Variants in B3GALT1 observed in about 807,000 individuals in gnomAD.
B3GALT1 encodes the protein UDP-Gal:betaGlcNAc beta 1,3-galactosyltransferase, polypeptide 1.
A neutral mutation model predicts 23.2 loss-of-function variants in B3GALT1; 10 were observed. The observed-to-expected ratio is 0.43, with a 90% CI of 0.27 to 0.73. The LOEUF (loss-of-function observed/expected upper bound fraction) is 0.73, where lower values mean the gene tolerates loss of function less well. B3GALT1 is among the 30% of genes least tolerant of loss of function. The pLI is 0.21. For synonymous variants in B3GALT1, 156 were observed against 141.5 expected (o/e 1.10, Z -0.73); for missense variants, 299 against 405.4 (o/e 0.74, Z 2.25).
intron 3 of B3GALT1, among the ~76,000 whole-genome samples, chr2:167,671,615 G>T (rs573168296): frequency 5.3e-5 from 8 of 151,920 alleles, no homozygotes; most frequent in Non-Finnish European, 1.0e-4. Flanking sequence ...AAACAAAAGT[G>T]GAAAGACTAT....
At chr2:167,351,259 A>G (rs1274847947) in intron 1 of B3GALT1, among the ~76,000 whole-genome samples, 2 of 145,522 alleles carry the variant, frequency 1.4e-5, no homozygotes. Context: ...ATAGAGTGAG[A>G]CTCCGTCTCA....
intron 3 of B3GALT1, among the ~76,000 whole-genome samples, chr2:167,685,954 A>G (rs1387383177): frequency 6.6e-6 from 1 of 152,192 alleles, no homozygotes; most frequent in Non-Finnish European, 1.5e-5. Flanking sequence ...GTCACTTTTA[A>G]TTTATTTATT....
chr2:167,560,239 A>C (rs1185641327), intron 2 of B3GALT1, among the ~76,000 whole-genome samples: 1 of 152,246 alleles, frequency 6.6e-6, no homozygotes, highest in Non-Finnish European at 1.5e-5. Context: ...AAAATACTTT[A>C]CAGACAAACA....
intron 2 of B3GALT1, among the ~76,000 whole-genome samples, chr2:167,573,425 C>A (rs922792560): frequency 1.3e-5 from 2 of 151,600 alleles, no homozygotes; most frequent in African/African-American, 4.8e-5. Flanking sequence ...AGTTTCATTC[C>A]AGTGGTTATT....
intron 2 of B3GALT1, among the ~76,000 whole-genome samples, chr2:167,521,245 T>C (rs1436974386): frequency 6.6e-6 from 1 of 152,132 alleles, no homozygotes; most frequent in African/African-American, 2.4e-5. Flanking sequence ...TCATGTCTTA[T>C]CCTTCTTAGT....
chr2:167,417,485 TC>T (rs1310961786), intron 1 of B3GALT1, among the ~76,000 whole-genome samples: 1 of 152,204 alleles, frequency 6.6e-6, no homozygotes, highest in African/African-American at 2.4e-5. Context: ...TCCTAATTAC[TC>T]CTTTTTAGGT....
At chr2:167,793,411 G>A (rs942248179) in intron 3 of B3GALT1, among the ~76,000 whole-genome samples, 5 of 152,140 alleles carry the variant, frequency 3.3e-5, no homozygotes, top group Non-Finnish European at 5.9e-5. Context: ...CTGGGGCTGG[G>A]TTCGCCCCGT....
chr2:167,488,616 T>C (rs117668668), intron 1 of B3GALT1, among the ~76,000 whole-genome samples: 2 of 152,328 alleles, frequency 1.3e-5, no homozygotes, highest in East Asian at 3.9e-4. Context: ...CAAGTTGAGT[T>C]ACAATAAAGT....
chr2:167,749,787 C>T (rs969312857), intron 3 of B3GALT1, among the ~76,000 whole-genome samples: 6 of 152,178 alleles, frequency 3.9e-5, no homozygotes, highest in African/African-American at 1.4e-4. Flanking sequence ...AATTCTCTAG[C>T]AATGTGTTGA....
At chr2:167,680,525 G>A (rs1347750691) in intron 3 of B3GALT1, among the ~76,000 whole-genome samples, 1 of 90,456 alleles carries the variant, frequency 1.1e-5, no homozygotes, top group Non-Finnish European at 2.8e-5. Flanking sequence ...TTTTTTTTTG[G>A]TAGGAGGGAG....
At chr2:167,486,847 G>A (rs897370475) in intron 1 of B3GALT1, among the ~76,000 whole-genome samples, 4 of 151,430 alleles carry the variant, frequency 2.6e-5, no homozygotes, top group African/African-American at 9.8e-5. Context: ...GGGATTGGGA[G>A]AGTAGAAATT....
At chr2:167,582,998 CCCCTAG>C in intron 2 of B3GALT1, among the ~76,000 whole-genome samples, 1 of 152,302 alleles carries the variant, frequency 6.6e-6, no homozygotes, top group Middle Eastern at 3.4e-3. Flanking sequence ...TCCCACCCCA[CCCCTAG>C]TGACTTGGTT....
intron 1 of B3GALT1, among the ~76,000 whole-genome samples, chr2:167,344,479 G>T (rs558015782): frequency 6.6e-6 from 1 of 152,116 alleles, no homozygotes; most frequent in Non-Finnish European, 1.5e-5. Context: ...GACACTTTGG[G>T]TAGATGAATG....
chr2:167,861,779 G>A (rs565142941), intron 4 of B3GALT1, among the ~76,000 whole-genome samples: 1 of 152,294 alleles, frequency 6.6e-6, no homozygotes, highest in Non-Finnish European at 1.5e-5. Context: ...AAGTAAGAGA[G>A]AGGAGACATT....
At chr2:167,303,682 C>CACACAGAG (rs535369991) in intron 1 of B3GALT1, among the ~76,000 whole-genome samples, 14 of 148,716 alleles carry the variant, frequency 9.4e-5, no homozygotes, top group East Asian at 4.1e-4. Context: ...CACACACACA[C>CACACAGAG]AGAGAGAGAC....
chr2:167,568,476 TG>T (rs2105398199), intron 2 of B3GALT1, among the ~76,000 whole-genome samples: 1 of 152,228 alleles, frequency 6.6e-6, no homozygotes, highest in African/African-American at 2.4e-5. Flanking sequence ...ATGCCTTCCC[TG>T]ATGACACATG....
intron 3 of B3GALT1, among the ~76,000 whole-genome samples, chr2:167,765,681 G>T (rs930465717): frequency 2.0e-5 from 3 of 152,106 alleles, no homozygotes; most frequent in Admixed American, 6.5e-5. Context: ...CATGACAAAA[G>T]GATACCAAAT....
intron 3 of B3GALT1, among the ~76,000 whole-genome samples, chr2:167,795,184 A>G (rs1688525444): frequency 1.3e-5 from 2 of 152,154 alleles, no homozygotes; most frequent in African/African-American, 2.4e-5. Flanking sequence ...CTATTGGAAA[A>G]CTATCATTTA....
intron 3 of B3GALT1, among the ~76,000 whole-genome samples, chr2:167,808,023 T>G (rs1180244365): frequency 6.2e-4 from 92 of 149,324 alleles, no homozygotes; most frequent in Non-Finnish European, 6.6e-4. Flanking sequence ...TAGTTAGCTC[T>G]TCTTGTTGAA....
Sources: allele counts gnomAD v4.1 joint callset (sites outside exome capture counted in the v4.1 genomes callset), GRCh38; gene constraint gnomAD v4.1.1; transcripts MANE v1.5; gene names NCBI Gene and HGNC (gene_info 2026-07-23, HGNC 2026-07-21).